MEGF6: variants seen among roughly 807,000 people sequenced by gnomAD.
MEGF6 encodes multiple EGF like domains 6.
In MEGF6, 184 loss-of-function variants were observed where a neutral mutation model predicts 207.1. The ratio of observed to expected loss-of-function variants is 0.89; its 90% confidence interval spans 0.79 to 1.00. The LOEUF (loss-of-function observed/expected upper bound fraction) is 1.00, where lower values mean the gene tolerates loss of function less well. Among genes scored for constraint, MEGF6 ranks in the 50% least tolerant of loss-of-function variants. The pLI is 0.00. For missense variants in MEGF6, 2,282 were observed against 2,202.9 expected, an observed-to-expected ratio of 1.04 and a Z score of -0.72; for synonymous variants, 1,038 against 910.0, an observed-to-expected ratio of 1.14 and a Z score of -2.53.
chr1:3,622,489 AAAAC>A, the MEGF6 span, among the ~76,000 whole-genome samples: 1,192 of 152,312 alleles, frequency 7.8e-3, 17 homozygotes, highest in African/African-American at 0.027. Flanking sequence ...TAGCAGTGGG[AAAAC>A]AAACAAACAC....
chr1:3,509,248 G>T lies in MEGF6; in HGVS notation c.1358-3C>A. The T allele has an allele frequency of 6.8e-7, 1 of 1,480,316 alleles. No individual in the cohort carries two copies. The highest frequency in any genetic ancestry group is 9.0e-7 in the Non-Finnish European group (1 of 1,113,020). 91.7% of individuals were successfully genotyped at this position (1,480,316 alleles called of 1,614,324 possible). On this transcript the variant is annotated splice_region_variant and splice_polypyrimidine_tract_variant and intron_variant, in intron 11 of 36. Coordinates refer to ENST00000356575, the MANE Select transcript of MEGF6 (RefSeq NM_001409.4). The stretch of plus-strand genomic sequence containing the variant: ...GTCCACCATCGGCTCCTCCAGGGCT[G>T]CCAGGGGCACAGAGGCGCCTTAGCC...
chr1:3,511,079 CCACA>C (rs1233441909), intron 9 of MEGF6, among the ~76,000 whole-genome samples, 177 bp from the exon 10 acceptor site: 3 of 152,368 alleles, frequency 2.0e-5, no homozygotes, highest in South Asian at 2.1e-4. Flanking sequence ...ATCGCACCCA[CCACA>C]CAATCACGCC....
chr1:3,501,092 A>G lies in MEGF6; in HGVS notation c.2449T>C (p.Cys817Arg). ...GFVGSRCQDV[C>R]PAGWYGPSCQ... ...CTGGGACCATACCAGCCTGCTGGGC[A>G]CACTACAGGCAGGCGAGAGAGGGTG... is the stretch of plus-strand genomic sequence containing the variant. The change falls in exon 20 of 37, where the codon TGC (cysteine) becomes CGC (arginine). Residue 817 changes from cysteine (C) to arginine (R), a missense_variant and splice_region_variant. Cys to Arg is a radical substitution (Grantham distance 180). Coordinates refer to ENST00000356575, the MANE Select transcript of MEGF6 (RefSeq NM_001409.4). 3 of 1,612,708 alleles carry G rather than the reference A, an allele frequency of 1.9e-6. No homozygotes were observed. The highest frequency in any genetic ancestry group is 2.5e-6 in the Non-Finnish European group (3 of 1,179,900).
At chr1:3,606,988 G>C (rs1370607949) in intron 1 of MEGF6, among the ~76,000 whole-genome samples, 1 of 152,054 alleles carries the variant, frequency 6.6e-6, no homozygotes, top group Non-Finnish European at 1.5e-5. Context: ...GTGCAGCCTG[G>C]AGTCACTGAC....
chr1:3,544,992 C>T lies in MEGF6; in HGVS notation c.482-20746G>A, dbSNP rs564303788. Among the ~76,000 whole-genome samples the T allele has an allele frequency of 3.9e-5, 6 of 152,288 alleles. No homozygotes were observed. The South Asian group carries it at 1.2e-3, about 32-fold the overall frequency. On this transcript the variant is annotated intron_variant, in intron 4 of 36. Transcript: ENST00000356575. ...TACCCCAGCTGGGTGAGCACCCCCA[C>T]TTTAAAGGGGGGCATATACAAGGAT...
intron 4 of MEGF6, among the ~76,000 whole-genome samples, chr1:3,562,813 C>G (rs1472232497): frequency 6.6e-6 from 1 of 152,194 alleles, no homozygotes; most frequent in Non-Finnish European, 1.5e-5. Context: ...ACCGCCCCGT[C>G]CAGCACTCAA....
chr1:3,509,459 G>C (rs914141245), intron 11 of MEGF6, among the ~76,000 whole-genome samples: 37 of 152,118 alleles, frequency 2.4e-4, no homozygotes, highest in African/African-American at 7.0e-4. Context: ...GGGCCCTGAG[G>C]ACCTGAACCC....
At chr1:3,547,689 G>A (rs574124563) in intron 4 of MEGF6, among the ~76,000 whole-genome samples, 2 of 152,294 alleles carry the variant, frequency 1.3e-5, no homozygotes, top group African/African-American at 4.8e-5. Context: ...TAGGAGCCCT[G>A]AACACCACAT....
chr1:3,526,398 A>ATT (rs57377827), intron 4 of MEGF6, among the ~76,000 whole-genome samples: 10,269 of 130,840 alleles, frequency 0.078, 596 homozygotes, highest in South Asian at 0.14. Flanking sequence ...GGTGACACCT[A>ATT]TTTTTTTTTT....
At position 3,611,043 on chromosome 1, in the gene MEGF6, AG is replaced by A. The variant is rs548500444; in HGVS notation, c.131+94del. ...AAACAGCCCATTGTTCTGGAGCCCC[AG>A]GGACAAAGCCTCGGAGCTCGGTCCA... On this transcript the variant is annotated intron_variant, in intron 1 of 36. Coordinates refer to ENST00000356575, the MANE Select transcript of MEGF6 (RefSeq NM_001409.4). 2.7e-4 allele frequency: 361 copies of A among 1,339,276 alleles called. 4 individuals carry two copies. The South Asian group carries it at 5.9e-3, about 22-fold the overall frequency. 83.0% of individuals were successfully genotyped at this position (1,339,276 alleles called of 1,614,324 possible).
chr1:3,514,733 C>G (rs917720771), intron 6 of MEGF6, 61 bp from the exon 7 acceptor site: 143 of 1,487,452 alleles, frequency 9.6e-5, no homozygotes, highest in Non-Finnish European at 1.2e-4. Flanking sequence ...TGCAGGGCGC[C>G]TGCCCCCAGG....
intron 4 of MEGF6, among the ~76,000 whole-genome samples, chr1:3,547,981 C>T (rs1642768844): frequency 6.6e-6 from 1 of 152,232 alleles, no homozygotes; most frequent in Admixed American, 6.5e-5. Context: ...GGCGCCTCTG[C>T]CCACCCACCC....
rs1021399550 is a variant in MEGF6 at position 3,510,144 on chromosome 1, C to T, written c.1235-152G>A. Reference sequence around the variant, plus strand: ...TCAACCAGCCAGTAAAACTCACCCTCAGCCACAGAGGCCACTCTGGCCATC... The same window carrying T: ...TCAACCAGCCAGTAAAACTCACCCTTAGCCACAGAGGCCACTCTGGCCATC... On this transcript the variant is annotated intron_variant, in intron 10 of 36. Transcript: ENST00000356575. The T allele has an allele frequency of 8.1e-6, 9 of 1,106,866 alleles. No homozygotes were observed. The Admixed American group carries it at 2.4e-4, about 30-fold the overall frequency. 68.6% of individuals were successfully genotyped at this position (1,106,866 alleles called of 1,614,324 possible).
At chr1:3,497,553 G>A (rs1228761293) in intron 26 of MEGF6, 192 bp from the exon 27 acceptor site, 13 of 777,246 alleles carry the variant, frequency 1.7e-5, no homozygotes, top group Non-Finnish European at 2.8e-5. Context: ...GTGGCAAGGT[G>A]GCAGGGGCCT....
rs1242045309 is a variant in MEGF6 at position 3,498,394 on chromosome 1, C to G, written c.3329G>C (p.Trp1110Ser). 6.2e-7 allele frequency: 1 copy of G among 1,601,480 alleles called. No homozygotes were observed. The highest frequency in any genetic ancestry group is 8.5e-7 in the Non-Finnish European group (1 of 1,176,980). ...HTGRCLCPAG[W>S]TGDKCQSPCL... is the part of the protein sequence containing the mutation. ...ACGGCTCTGACACTTGTCCCCAGTCCAGCCGGCTGGGCAGAGGCAGCGGCC... is the reference window on the plus strand; with the variant it reads ...ACGGCTCTGACACTTGTCCCCAGTCGAGCCGGCTGGGCAGAGGCAGCGGCC... The change falls in exon 26 of 37, where the codon TGG becomes TCG. Residue 1110 changes from tryptophan (W) to serine (S), a missense_variant. Transcript: ENST00000356575.
upstream of MEGF6, among the ~76,000 whole-genome samples, chr1:3,615,969 G>A (rs1644375275): frequency 6.6e-6 from 1 of 152,228 alleles, no homozygotes. Context: ...TAGCTTGCCT[G>A]AAAAGCATTA....
At chr1:3,525,723 C>T (rs1287619002) in intron 4 of MEGF6, among the ~76,000 whole-genome samples, 10 of 152,214 alleles carry the variant, frequency 6.6e-5, no homozygotes. Flanking sequence ...AGGCATCCTT[C>T]CCCTGAGACC....
Position 3,524,168 on chromosome 1 carries a change from C to T in MEGF6, c.560G>A (p.Cys187Tyr). The T allele has an allele frequency of 6.2e-7, 1 of 1,612,908 alleles. No homozygotes were observed. The highest frequency in any genetic ancestry group is 1.3e-5 in the African/African-American group (1 of 75,068). Residue 187 changes from cysteine to tyrosine, a missense_variant, in exon 5 of 37, where the codon TGC (cysteine) becomes TAC (tyrosine). Transcript: ENST00000356575. Reference sequence around the variant, plus strand: ...AGTGTGGAGCCGGAAGCCGGGCTTGCACTCACAGAGGTAGGAGCCTGGGGT... The same window carrying T: ...AGTGTGGAGCCGGAAGCCGGGCTTGTACTCACAGAGGTAGGAGCCTGGGGT... ...VNTPGSYLCE[C>Y]KPGFRLHTDS...
chr1:3,570,077 A>T (rs903803291), intron 4 of MEGF6, among the ~76,000 whole-genome samples: 1 of 152,214 alleles, frequency 6.6e-6, no homozygotes, highest in African/African-American at 2.4e-5. Context: ...GACAGGCTGG[A>T]TTCTGCAGGC....
Sources: allele counts gnomAD v4.1 joint callset (sites outside exome capture counted in the v4.1 genomes callset), GRCh38; gene constraint gnomAD v4.1.1; transcripts MANE v1.5; gene names NCBI Gene and HGNC (gene_info 2026-07-23, HGNC 2026-07-21).